The following C6 variants were observed in gnomAD, a reference collection of about 807,000 sequenced individuals.
C6 encodes complement component C6.
In C6, 101 loss-of-function variants were observed where a neutral mutation model predicts 112.9. The ratio of observed to expected loss-of-function variants is 0.89; its 90% CI spans 0.76 to 1.06. C6 has a LOEUF of 1.06. Ranked by LOEUF, C6 falls within the 50% of genes least tolerant of loss-of-function variation. C6 has a pLI of 0.00. For synonymous variants in C6, 431 were observed against 384.1 expected, an observed-to-expected ratio of 1.12 and a Z score of -1.43; for missense variants, 1,202 against 1,104.6, an observed-to-expected ratio of 1.09 and a Z score of -1.25.
intron 6 of C6, among the ~76,000 whole-genome samples, chr5:41,182,158 A>G (rs1356696704): frequency 5.3e-5 from 8 of 152,156 alleles, no homozygotes; most frequent in African/African-American, 1.9e-4. Flanking sequence ...CTTTCTGGGC[A>G]CATAAAAAGC....
intron 8 of C6, among the ~76,000 whole-genome samples, chr5:41,175,327 C>T (rs1024513890): frequency 2.6e-5 from 4 of 152,198 alleles, no homozygotes; most frequent in African/African-American, 7.2e-5. Flanking sequence ...TATATGGACA[C>T]ACTGTCAATA....
chr5:41,173,543 G>C (rs1748602569), intron 8 of C6, among the ~76,000 whole-genome samples: 1 of 152,146 alleles, frequency 6.6e-6, no homozygotes, highest in South Asian at 2.1e-4. Flanking sequence ...GTTAAAATTT[G>C]CCTTGCAGAA....
intron 1 of C6, among the ~76,000 whole-genome samples, chr5:41,232,624 G>A (rs1404322538): frequency 1.3e-5 from 2 of 151,910 alleles, no homozygotes; most frequent in African/African-American, 4.8e-5. Flanking sequence ...AGTTATGTGT[G>A]TTTTCTTAGG....
chr5:41,181,333 A>G (rs1561136551), intron 7 of C6, 26 bp downstream of exon 7: 7 of 1,596,666 alleles, frequency 4.4e-6, no homozygotes, highest in Non-Finnish European at 6.0e-6. Flanking sequence ...AAGAAAGAAT[A>G]AAAGGTTGGA....
At chr5:41,195,460 G>T (rs964021545) in intron 5 of C6, among the ~76,000 whole-genome samples, 4 of 152,090 alleles carry the variant, frequency 2.6e-5, no homozygotes, top group African/African-American at 9.7e-5. Flanking sequence ...CCCCACCCTG[G>T]CACCTCCCAG....
intron 5 of C6, among the ~76,000 whole-genome samples, chr5:41,191,279 C>A (rs1020696170): frequency 9.2e-5 from 14 of 151,888 alleles, no homozygotes; most frequent in African/African-American, 3.4e-4. Context: ...GTTGGCCAGA[C>A]TTGTCTTGAA....
intron 1 of C6, among the ~76,000 whole-genome samples, chr5:41,218,809 G>C (rs1412040198): frequency 6.6e-6 from 1 of 152,096 alleles, no homozygotes; most frequent in African/African-American, 2.4e-5. Context: ...CCTCTGTAGA[G>C]AGAAAAAAGA....
At chr5:41,258,619 C>G (rs1343518257) in intron 1 of C6, among the ~76,000 whole-genome samples, 1 of 152,138 alleles carries the variant, frequency 6.6e-6, no homozygotes, top group East Asian at 1.9e-4. Context: ...AGGGAAAGAC[C>G]TGTTGAATGA....
At chr5:41,167,460 C>T (rs1748077493) in intron 9 of C6, among the ~76,000 whole-genome samples, 1 of 152,026 alleles carries the variant, frequency 6.6e-6, no homozygotes, top group South Asian at 2.1e-4. Flanking sequence ...CATGTGGTAA[C>T]TAAAATATAG....
intron 1 of C6, among the ~76,000 whole-genome samples, chr5:41,206,033 A>G (rs572901490): frequency 6.6e-6 from 1 of 152,300 alleles, no homozygotes; most frequent in South Asian, 2.1e-4. Context: ...CAGAGGAAGG[A>G]TCAGGCAGCA....
At chr5:41,238,375 A>T (rs1740463503) in intron 1 of C6, among the ~76,000 whole-genome samples, 1 of 151,978 alleles carries the variant, frequency 6.6e-6, no homozygotes, top group Non-Finnish European at 1.5e-5. Flanking sequence ...TGGTACCAAA[A>T]CAGAGATATA....
At position 41,203,068 on chromosome 5, in the gene C6, G is replaced by A; in HGVS notation, c.143+20C>T. The A allele has an allele frequency of 6.2e-7, 1 of 1,613,352 alleles. No individual in the cohort carries two copies. The highest frequency in any genetic ancestry group is 8.5e-7 in the Non-Finnish European group (1 of 1,179,744). On this transcript the variant is annotated intron_variant, in intron 2 of 17. Coordinates refer to ENST00000337836, the MANE Select transcript of C6 (RefSeq NM_000065.5). ...GAGTCCTTCCAGGACACAAAGAAAA[G>A]CCACAAAGCTCACACCCACCTGTGT...
At chr5:41,203,905 C>A (rs564799908) in intron 1 of C6, among the ~76,000 whole-genome samples, 2 of 152,254 alleles carry the variant, frequency 1.3e-5, no homozygotes, top group South Asian at 4.1e-4. Flanking sequence ...AGGTGAAGCC[C>A]TTCACTGAGT....
chr5:41,198,734 C>T (rs1750791124), intron 4 of C6, among the ~76,000 whole-genome samples: 1 of 152,030 alleles, frequency 6.6e-6, no homozygotes, highest in African/African-American at 2.4e-5. Flanking sequence ...AATGCAGATC[C>T]TTTGTAATTT....
upstream of C6, among the ~76,000 whole-genome samples, chr5:41,214,217 A>G (rs376818355): frequency 6.6e-6 from 1 of 152,220 alleles, no homozygotes; most frequent in Non-Finnish European, 1.5e-5. Flanking sequence ...GTGAGCTTCA[A>G]TAAATCACTA....
intron 5 of C6, among the ~76,000 whole-genome samples, chr5:41,191,067 C>CATT (rs1750160697): frequency 1.2e-5 from 1 of 84,756 alleles, no homozygotes; most frequent in Non-Finnish European, 2.1e-5. Context: ...ATGCCTTTGG[C>CATT]TTTTTTTTTT....
intron 1 of C6, among the ~76,000 whole-genome samples, chr5:41,229,858 T>A (rs1341871940): frequency 6.6e-6 from 1 of 152,174 alleles, no homozygotes; most frequent in Non-Finnish European, 1.5e-5. Context: ...GTGCTCAATG[T>A]TCTTTTGTTG....
At chr5:41,227,812 T>C (rs189456016) in intron 1 of C6, among the ~76,000 whole-genome samples, 2 of 152,326 alleles carry the variant, frequency 1.3e-5, no homozygotes, top group African/African-American at 4.8e-5. Flanking sequence ...TTCTCTATTT[T>C]GTCCTATTGG....
At chr5:41,198,961 A>T (rs1474178061) in intron 4 of C6, among the ~76,000 whole-genome samples, 1 of 152,092 alleles carries the variant, frequency 6.6e-6, no homozygotes, top group Admixed American at 6.6e-5. Context: ...TCATATAGAC[A>T]CAAAATATAT....
Sources: gnomAD v4.1 joint callset for allele counts (sites outside exome capture counted in the v4.1 genomes callset) on GRCh38, gnomAD v4.1.1 for gene constraint, MANE v1.5 for transcripts, NCBI Gene and HGNC (gene_info 2026-07-23, HGNC 2026-07-21) for gene names.